EPHA6: variants seen among roughly 807,000 people sequenced by gnomAD.
The protein encoded by EPHA6 is EPH receptor A6, also known as ephrin type-A receptor 6.
In EPHA6, 50 loss-of-function variants were observed where a neutral mutation model predicts 112.0. That is an observed-to-expected ratio of 0.45 (90% CI 0.36 to 0.56). The LOEUF is 0.56. EPHA6 is among the 20% of genes least tolerant of loss of function. The pLI is 0.00. For missense variants in EPHA6, 1,280 were observed against 1,417.4 expected, an observed-to-expected ratio of 0.90 and a Z score of 1.56; for synonymous variants, 529 against 490.7, an observed-to-expected ratio of 1.08 and a Z score of -1.03.
intron 3 of EPHA6, among the ~76,000 whole-genome samples, chr3:97,182,060 T>TA: frequency 6.6e-6 from 1 of 152,208 alleles, no homozygotes; most frequent in Admixed American, 6.6e-5. Flanking sequence ...CTGGTGGCCA[T>TA]ACCCCAGAGA....
chr3:97,304,664 A>T (rs971953721), intron 5 of EPHA6, among the ~76,000 whole-genome samples: 1 of 152,090 alleles, frequency 6.6e-6, no homozygotes, highest in African/African-American at 2.4e-5. Flanking sequence ...CTATTTAATA[A>T]ATAGTGCTGG....
rs369888392 is a variant in EPHA6, at chr3:96,861,385, CT to C, written c.386-5432del. Among the ~76,000 whole-genome samples, 1,251 of 151,450 alleles carry C rather than the reference CT, an allele frequency of 8.3e-3. 23 individuals carry two copies. Among genetic ancestry groups the C allele is most frequent in the African/African-American group, 0.028 (1,146 of 41,342 alleles). ...AATTATATAGCTTGAGTGTTTTGCC[CT>C]TTTTTTTCTATTTAAGATAACAGTG... On this transcript the variant is annotated intron_variant, in intron 1 of 17. Coordinates refer to ENST00000389672, the MANE Select transcript of EPHA6 (RefSeq NM_001080448.3).
At chr3:97,259,476 AC>A (rs1157576042) in intron 5 of EPHA6, among the ~76,000 whole-genome samples, 5 of 152,198 alleles carry the variant, frequency 3.3e-5, no homozygotes, top group Non-Finnish European at 5.9e-5. Flanking sequence ...ATGATGCAAT[AC>A]TTTCCAAATA....
At chr3:97,530,071 T>G (rs2092678655) in intron 10 of EPHA6, among the ~76,000 whole-genome samples, 1 of 151,956 alleles carries the variant, frequency 6.6e-6, no homozygotes, top group Non-Finnish European at 1.5e-5. Context: ...ACTATCAGAT[T>G]TATTAAGACA....
intron 1 of EPHA6, among the ~76,000 whole-genome samples, chr3:96,824,955 T>G (rs1485583644): frequency 6.6e-6 from 1 of 151,708 alleles, no homozygotes; most frequent in Non-Finnish European, 1.5e-5. Context: ...AAATACAATA[T>G]AAGATGGATA....
At chr3:97,740,127 G>A (rs2035437212) in intron 16 of EPHA6, among the ~76,000 whole-genome samples, 1 of 151,920 alleles carries the variant, frequency 6.6e-6, no homozygotes. Context: ...GCTACATGGT[G>A]ACCCTTCACC....
intron 5 of EPHA6, among the ~76,000 whole-genome samples, chr3:97,382,098 TAAAC>T (rs1199695777): frequency 2.0e-5 from 3 of 152,124 alleles, no homozygotes; most frequent in African/African-American, 4.8e-5. Context: ...ATATTTTAAA[TAAAC>T]TATTGTATGC....
intron 11 of EPHA6, among the ~76,000 whole-genome samples, chr3:97,541,826 T>C (rs901883810): frequency 1.2e-4 from 18 of 151,596 alleles, no homozygotes; most frequent in African/African-American, 4.1e-4. Flanking sequence ...AGAAGGTCCC[T>C]GTACAGGTGT....
rs79752509 is a variant in EPHA6, at chr3:97,203,026, C to G, written c.1115-23238C>G. 4.9e-3 allele frequency among the ~76,000 whole-genome samples: 742 copies of G among 152,186 alleles called. 6 individuals are homozygous for G. The highest frequency in any genetic ancestry group is 0.016 in the African/African-American group (656 of 41,558). Reference sequence around the variant, plus strand: ...GGAAGAGAGGAGTTGGAGAGGTAGGCAGGGGTCAGCTCTTACAGAACTGCC... The same window carrying G: ...GGAAGAGAGGAGTTGGAGAGGTAGGGAGGGGTCAGCTCTTACAGAACTGCC... On this transcript the variant is annotated intron_variant, in intron 3 of 17. Transcript: ENST00000389672.
intron 5 of EPHA6, 122 bp downstream of exon 5, chr3:97,244,409 T>A (rs866961939): frequency 1.1e-5 from 8 of 759,422 alleles, no homozygotes; most frequent in Middle Eastern, 5.4e-4. Context: ...ACTGCAGAGG[T>A]AATGCACTGG....
chr3:97,392,878 GA>G (rs2086494780), intron 5 of EPHA6, among the ~76,000 whole-genome samples: 1 of 151,504 alleles, frequency 6.6e-6, no homozygotes, highest in African/African-American at 2.4e-5. Flanking sequence ...GAGGAAATCA[GA>G]AATCAGCTGA....
At chr3:97,504,140 T>C (rs973272288) in intron 10 of EPHA6, among the ~76,000 whole-genome samples, 1 of 152,316 alleles carries the variant, frequency 6.6e-6, no homozygotes, top group East Asian at 1.9e-4. Flanking sequence ...AATGAAGAGA[T>C]CTCACTTGCT....
intron 14 of EPHA6, among the ~76,000 whole-genome samples, chr3:97,647,042 T>G (rs546212502): frequency 4.6e-5 from 7 of 152,184 alleles, no homozygotes; most frequent in Non-Finnish European, 8.8e-5. Context: ...TCCCATGCAG[T>G]TCCTTCGTAA....
At chr3:97,568,923 A>G (rs1369318911) in intron 11 of EPHA6, among the ~76,000 whole-genome samples, 1 of 152,218 alleles carries the variant, frequency 6.6e-6, no homozygotes, top group Non-Finnish European at 1.5e-5. Context: ...GGAAACATCA[A>G]GGCTAAGAAG....
intron 5 of EPHA6, among the ~76,000 whole-genome samples, chr3:97,315,934 A>G (rs1449153630): frequency 6.6e-6 from 1 of 151,734 alleles, no homozygotes; most frequent in Non-Finnish European, 1.5e-5. Context: ...TGCAATCAAA[A>G]TGCTATCCCA....
At chr3:97,275,536 G>T (rs573285547) in intron 5 of EPHA6, among the ~76,000 whole-genome samples, 3 of 152,196 alleles carry the variant, frequency 2.0e-5, no homozygotes, top group South Asian at 4.2e-4. Context: ...TTGGCACGAC[G>T]GGGTGGATAG....
intron 3 of EPHA6, among the ~76,000 whole-genome samples, chr3:97,177,363 A>G (rs1162447273): frequency 3.9e-5 from 6 of 152,064 alleles, no homozygotes; most frequent in Non-Finnish European, 7.4e-5. Context: ...CTCTTGGATG[A>G]CATGTTCTGT....
intron 10 of EPHA6, among the ~76,000 whole-genome samples, chr3:97,507,224 G>A (rs2092271415): frequency 6.6e-6 from 1 of 152,150 alleles, no homozygotes; most frequent in South Asian, 2.1e-4. Flanking sequence ...GTGAGAGAGG[G>A]CATACTTGTC....
At chr3:97,038,684 T>C (rs1297477815) in intron 3 of EPHA6, among the ~76,000 whole-genome samples, 2 of 152,080 alleles carry the variant, frequency 1.3e-5, no homozygotes, top group Non-Finnish European at 2.9e-5. Context: ...TTCAGACACT[T>C]GCAGTGCTTT....
Sources: gnomAD v4.1 joint callset for allele counts (sites outside exome capture counted in the v4.1 genomes callset) on GRCh38, gnomAD v4.1.1 for gene constraint, MANE v1.5 for transcripts, NCBI Gene and HGNC (gene_info 2026-07-23, HGNC 2026-07-21) for gene names.